SMOC2: variants seen among roughly 807,000 people sequenced by gnomAD.
SMOC2 encodes SPARC related modular calcium binding 2, also known as SPARC-related modular calcium-binding protein 2.
Under a neutral mutation model 61.4 loss-of-function variants are expected in SMOC2, and 39 were observed. That is an observed-to-expected ratio of 0.64 (90% CI 0.49 to 0.83). The LOEUF is 0.83. Among genes scored for constraint, SMOC2 ranks in the 40% least tolerant of loss-of-function variants. SMOC2 has a pLI of 0.00. For synonymous variants in SMOC2, 247 were observed against 239.9 expected (o/e 1.03, Z -0.27); for missense variants, 556 against 592.9 (o/e 0.94, Z 0.65).
At chr6:168,580,527 C>T (rs1784896454) in intron 7 of SMOC2, among the ~76,000 whole-genome samples, 1 of 152,170 alleles carries the variant, frequency 6.6e-6, no homozygotes. Context: ...ACTGATAAAA[C>T]ACAGGTTTTG....
Position 168,453,713 on chromosome 6 carries a change from A to G in SMOC2, c.84+12259A>G, listed in dbSNP as rs1344505975. ...CTAATTCTGTCTATTGATCTCTGCCATTCTACATACTACATCTCTGTCTAT... is the reference window on the plus strand; with the variant it reads ...CTAATTCTGTCTATTGATCTCTGCCGTTCTACATACTACATCTCTGTCTAT... On this transcript the variant is annotated intron_variant, in intron 1 of 12. Coordinates refer to ENST00000356284, the MANE Select transcript of SMOC2 (RefSeq NM_001166412.2). The surrounding 1 kb of genome is among the most constrained non-coding windows in gnomAD (Gnocchi z 4.4). 6.7e-6 allele frequency among the ~76,000 whole-genome samples: 1 copy of G among 150,316 alleles called. No homozygotes were observed. The highest frequency in any genetic ancestry group is 2.5e-5 in the African/African-American group (1 of 40,700).
chr6:168,664,032 G>A, intron 11 of SMOC2, 42 bp from the exon 12 acceptor site: 2 of 1,529,174 alleles, frequency 1.3e-6, no homozygotes. Flanking sequence ...ATTAAATAAT[G>A]AGTCTCTGAT....
At chr6:168,646,996 A>G (rs548927277) in intron 9 of SMOC2, among the ~76,000 whole-genome samples, 1 of 148,302 alleles carries the variant, frequency 6.7e-6, no homozygotes, top group South Asian at 2.1e-4. Flanking sequence ...GAATTGGCTT[A>G]TTATTCCCCC....
chr6:168,557,398 A>G (rs1389438717), intron 7 of SMOC2, among the ~76,000 whole-genome samples: 1 of 152,242 alleles, frequency 6.6e-6, no homozygotes, highest in Non-Finnish European at 1.5e-5. Context: ...AATTTCAATC[A>G]TATTTGATTC....
chr6:168,492,955 A>G (rs1359160023), intron 1 of SMOC2, among the ~76,000 whole-genome samples: 1 of 152,216 alleles, frequency 6.6e-6, no homozygotes, highest in African/African-American at 2.4e-5. Flanking sequence ...TGAGCTCTCC[A>G]TACATTGTGA....
intron 8 of SMOC2, among the ~76,000 whole-genome samples, chr6:168,601,064 G>A (rs79582544): frequency 0.012 from 1,755 of 152,350 alleles, 13 homozygotes; most frequent in Middle Eastern, 0.02. Flanking sequence ...AAATGTAGCC[G>A]CTGATGTCAC....
At chr6:168,546,562 T>C (rs1205116851) in intron 5 of SMOC2, among the ~76,000 whole-genome samples, 1 of 152,102 alleles carries the variant, frequency 6.6e-6, no homozygotes, top group African/African-American at 2.4e-5. Flanking sequence ...CTCCACCCCG[T>C]GCCCCACTCA....
intron 1 of SMOC2, among the ~76,000 whole-genome samples, chr6:168,492,177 C>T (rs1456645000): frequency 6.6e-6 from 1 of 152,128 alleles, no homozygotes; most frequent in East Asian, 1.9e-4. Context: ...ATAGGACTTA[C>T]CTATCTAAAT....
intron 7 of SMOC2, among the ~76,000 whole-genome samples, chr6:168,580,049 C>A (rs2115156800): frequency 6.9e-6 from 1 of 145,824 alleles, no homozygotes. Context: ...ATCAGGGGCT[C>A]TGAGATGCGT....
At chr6:168,549,387 G>A (rs1178086896) in intron 7 of SMOC2, among the ~76,000 whole-genome samples, 184 bp downstream of exon 7, 1 of 152,064 alleles carries the variant, frequency 6.6e-6, no homozygotes, top group Non-Finnish European at 1.5e-5. Context: ...ATAACCTCTT[G>A]TAGACTGGCA....
At chr6:168,583,867 G>GGAGGAGGGCAGAGGAGGGCA (rs201113874) in intron 7 of SMOC2, among the ~76,000 whole-genome samples, 8 of 152,144 alleles carry the variant, frequency 5.3e-5, no homozygotes, top group African/African-American at 1.9e-4. Context: ...ACTGAAGAAG[G>GGAGGAGGGCAGAGGAGGGCA]GAGGAGGGCA....
Position 168,494,251 on chromosome 6 carries a change from G to A in SMOC2, c.85-15664G>A, listed in dbSNP as rs116632181. On this transcript the variant is annotated intron_variant, in intron 1 of 12. Transcript: ENST00000356284. Reference sequence around the variant, plus strand: ...CCTTCTACACACTGTGAGTGCAAGCGTTCTTTAGGACATGGCAAAGTTTTG... The same window carrying A: ...CCTTCTACACACTGTGAGTGCAAGCATTCTTTAGGACATGGCAAAGTTTTG... 2.1e-3 allele frequency among the ~76,000 whole-genome samples: 316 copies of A among 152,290 alleles called. 2 individuals are homozygous for A. Among genetic ancestry groups the A allele is most frequent in the African/African-American group, 7.3e-3 (304 of 41,566 alleles).
At chr6:168,486,691 T>G (rs1782348301) in intron 1 of SMOC2, among the ~76,000 whole-genome samples, 1 of 152,032 alleles carries the variant, frequency 6.6e-6, no homozygotes, top group East Asian at 1.9e-4. Flanking sequence ...TGGAGGCTGA[T>G]GATATGAAAA....
intron 1 of SMOC2, among the ~76,000 whole-genome samples, chr6:168,448,892 G>A (rs1781397269): frequency 6.6e-6 from 1 of 152,056 alleles, no homozygotes; most frequent in Admixed American, 6.5e-5. Flanking sequence ...TACCTCAATG[G>A]GGTCCCTGTG....
chr6:168,554,005 C>T (rs753247961), intron 7 of SMOC2, among the ~76,000 whole-genome samples: 7 of 147,830 alleles, frequency 4.7e-5, no homozygotes, highest in South Asian at 2.1e-4. Flanking sequence ...TGGGACGAGT[C>T]GGTTAAAACT....
chr6:168,599,251 C>T (rs1458513881), intron 8 of SMOC2, among the ~76,000 whole-genome samples: 2 of 148,196 alleles, frequency 1.3e-5, no homozygotes, highest in Non-Finnish European at 3.0e-5. Flanking sequence ...CACACCCACA[C>T]ACATACCCAC....
intron 5 of SMOC2, 44 bp from the exon 6 acceptor site, chr6:168,547,075 C>T: frequency 6.2e-7 from 1 of 1,613,426 alleles, no homozygotes; most frequent in Non-Finnish European, 8.5e-7. Flanking sequence ...AACTTACTCT[C>T]ATAATTGTAG....
intron 9 of SMOC2, among the ~76,000 whole-genome samples, chr6:168,626,634 A>T (rs1436146189): frequency 1.3e-5 from 2 of 152,206 alleles, no homozygotes; most frequent in Non-Finnish European, 2.9e-5. Flanking sequence ...TATCACCCAA[A>T]GGAAGGGCTA....
chr6:168,619,919 G>A (rs530320095), intron 9 of SMOC2, among the ~76,000 whole-genome samples: 9 of 152,154 alleles, frequency 5.9e-5, no homozygotes, highest in East Asian at 1.9e-4. Context: ...TTTACTCTAC[G>A]TACCAGTCAT....
Sources: allele counts gnomAD v4.1 joint callset (sites outside exome capture counted in the v4.1 genomes callset), GRCh38; gene constraint gnomAD v4.1.1; non-coding constraint Gnocchi (gnomAD v3.1); transcripts MANE v1.5; gene names NCBI Gene and HGNC (gene_info 2026-07-23, HGNC 2026-07-21).